The following WWOX variants were observed in gnomAD, a reference collection of about 807,000 sequenced individuals.
WWOX encodes the protein WW domain-containing oxidoreductase.
Under a neutral mutation model 46.2 loss-of-function variants are expected in WWOX, and 69 were observed. The observed-to-expected ratio is 1.49, with a 90% CI of 1.23 to 1.82. WWOX has a LOEUF of 1.82. WWOX is among the 40% of genes most tolerant of loss of function. WWOX has a pLI of 0.00. For missense variants in WWOX, 919 were observed against 542.6 expected (o/e 1.69, Z -6.89); for synonymous variants, 359 against 202.6 (o/e 1.77, Z -6.56).
At chr16:78,478,211 G>A (rs901840146) in intron 8 of WWOX, among the ~76,000 whole-genome samples, 4 of 152,148 alleles carry the variant, frequency 2.6e-5, no homozygotes, top group African/African-American at 9.7e-5. Context: ...ACAAGTAGTA[G>A]CATTTTTAGT....
chr16:78,676,403 AT>A (rs4035810), intron 8 of WWOX, among the ~76,000 whole-genome samples: 8,670 of 140,024 alleles, frequency 0.062, 274 homozygotes, highest in South Asian at 0.095. Context: ...CATATTTACT[AT>A]TTTTTTTTTT....
intron 5 of WWOX, among the ~76,000 whole-genome samples, chr16:78,209,278 C>A (rs2036484806): frequency 6.6e-6 from 1 of 152,146 alleles, no homozygotes; most frequent in African/African-American, 2.4e-5. Flanking sequence ...AAAAGACCAA[C>A]TGGAATGATT....
intron 8 of WWOX, among the ~76,000 whole-genome samples, chr16:78,440,626 T>C (rs2083423276): frequency 6.8e-6 from 1 of 146,594 alleles, no homozygotes; most frequent in African/African-American, 2.6e-5. Flanking sequence ...TTTTTTTTTC[T>C]TTTTTTTTGA....
At chr16:78,922,456 G>A (rs1436806096) in intron 8 of WWOX, among the ~76,000 whole-genome samples, 1 of 150,002 alleles carries the variant, frequency 6.7e-6, no homozygotes, top group Non-Finnish European at 1.5e-5. Context: ...TTGGCTCACT[G>A]CAATTTCTAC....
chr16:78,540,062 C>G (rs968589820), intron 8 of WWOX, among the ~76,000 whole-genome samples: 1 of 150,004 alleles, frequency 6.7e-6, no homozygotes, highest in African/African-American at 2.5e-5. Context: ...AAATCAGACA[C>G]CAATATAAAC....
intron 8 of WWOX, among the ~76,000 whole-genome samples, chr16:78,484,354 A>G (rs755043702): frequency 1.2e-4 from 18 of 152,090 alleles, no homozygotes; most frequent in South Asian, 2.1e-4. Context: ...AAGTATACCT[A>G]TTCCCCAGAG....
intron 8 of WWOX, among the ~76,000 whole-genome samples, chr16:79,083,429 C>G (rs7206856): frequency 0.044 from 6,693 of 152,262 alleles, 496 homozygotes; most frequent in African/African-American, 0.15. Context: ...TTGGCCATTA[C>G]TAATGTCAAG....
chr16:78,613,952 C>T (rs763193415), intron 8 of WWOX, among the ~76,000 whole-genome samples: 10 of 152,150 alleles, frequency 6.6e-5, no homozygotes, highest in African/African-American at 1.7e-4. Context: ...TGTTGGTTTA[C>T]GTACTGCGAT....
At chr16:78,370,823 C>G (rs964364903) in intron 5 of WWOX, among the ~76,000 whole-genome samples, 1 of 146,280 alleles carries the variant, frequency 6.8e-6, no homozygotes. Context: ...TAACCCCCTT[C>G]CAGTTTTTCT....
At chr16:78,363,165 T>C (rs1385430132) in intron 5 of WWOX, among the ~76,000 whole-genome samples, 1 of 152,192 alleles carries the variant, frequency 6.6e-6, no homozygotes, top group Non-Finnish European at 1.5e-5. Context: ...TGTGTGTGTA[T>C]GTGTCTGTGT....
At chr16:78,325,077 C>G (rs1362315796) in intron 5 of WWOX, among the ~76,000 whole-genome samples, 1 of 152,162 alleles carries the variant, frequency 6.6e-6, no homozygotes, top group Non-Finnish European at 1.5e-5. Flanking sequence ...GTGTGAGAGC[C>G]TCAAGTCTCT....
chr16:78,611,651 C>G (rs1163334262), intron 8 of WWOX, among the ~76,000 whole-genome samples: 1 of 152,210 alleles, frequency 6.6e-6, no homozygotes, highest in Non-Finnish European at 1.5e-5. Flanking sequence ...CGTTAGCCAG[C>G]CTCTGCATGA....
intron 5 of WWOX, among the ~76,000 whole-genome samples, chr16:78,213,492 G>C (rs1284583034): frequency 6.6e-6 from 1 of 151,636 alleles, no homozygotes; most frequent in Non-Finnish European, 1.5e-5. Context: ...TTGAAGATCA[G>C]GATACTTATG....
chr16:78,170,087 A>T (rs2035105810), intron 5 of WWOX, among the ~76,000 whole-genome samples: 1 of 152,074 alleles, frequency 6.6e-6, no homozygotes, highest in African/African-American at 2.4e-5. Flanking sequence ...TCTTGAGTCT[A>T]TTACCCTCTC....
At chr16:78,887,966 T>G (rs1002735912) in intron 8 of WWOX, among the ~76,000 whole-genome samples, 2 of 152,238 alleles carry the variant, frequency 1.3e-5, no homozygotes, top group African/African-American at 4.8e-5. Flanking sequence ...AAACAATTTC[T>G]AAATAAAACT....
At chr16:78,317,265 TTC>T (rs149968704) in intron 5 of WWOX, among the ~76,000 whole-genome samples, 8 of 151,342 alleles carry the variant, frequency 5.3e-5, no homozygotes, top group African/African-American at 1.2e-4. Context: ...TTGGGGTGAA[TTC>T]TCTCTCTCTC....
intron 8 of WWOX, among the ~76,000 whole-genome samples, chr16:79,023,806 A>AT (rs60170209): frequency 6.6e-6 from 1 of 150,402 alleles, no homozygotes; most frequent in African/African-American, 2.5e-5. Flanking sequence ...AAAAAAAAAA[A>AT]TTAGCCAGAC....
At chr16:78,555,009 G>C (rs1412992092) in intron 8 of WWOX, among the ~76,000 whole-genome samples, 1 of 152,154 alleles carries the variant, frequency 6.6e-6, no homozygotes, top group East Asian at 1.9e-4. Flanking sequence ...GGGCCTGGCA[G>C]ACAACTTCTG....
chr16:78,626,307 G>C (rs1461130293), intron 8 of WWOX, among the ~76,000 whole-genome samples: 1 of 151,912 alleles, frequency 6.6e-6, no homozygotes, highest in East Asian at 1.9e-4. Context: ...ATTTTTGCAG[G>C]ATACCACATT....
Sources: allele counts gnomAD v4.1 joint callset (sites outside exome capture counted in the v4.1 genomes callset), GRCh38; gene constraint gnomAD v4.1.1; transcripts MANE v1.5; gene names NCBI Gene and HGNC (gene_info 2026-07-23, HGNC 2026-07-21).